Variants in ACP2 observed in about 807,000 individuals in gnomAD.
ACP2 encodes the protein lysosomal acid phosphatase.
Under a neutral mutation model 54.7 loss-of-function variants are expected in ACP2, and 35 were observed. The observed-to-expected ratio is 0.64, with a 90% CI of 0.49 to 0.85. The LOEUF (loss-of-function observed/expected upper bound fraction) is 0.85. Ranked by LOEUF, ACP2 falls within the 40% of genes least tolerant of loss-of-function variation. ACP2 has a pLI of 0.00. For synonymous variants in ACP2, 210 were observed against 224.4 expected (o/e 0.94, Z 0.57); for missense variants, 492 against 565.0 (o/e 0.87, Z 1.31).
At chr11:47,241,227 A>G (rs1371499124) in intron 10 of ACP2, among the ~76,000 whole-genome samples, 1 of 152,226 alleles carries the variant, frequency 6.6e-6, no homozygotes, top group East Asian at 1.9e-4. Context: ...ATTTTTTAAA[A>G]GTTAACTCAG....
At chr11:47,244,480 A>T (rs769864827) in intron 7 of ACP2, among the ~76,000 whole-genome samples, 1 of 152,028 alleles carries the variant, frequency 6.6e-6, no homozygotes, top group Non-Finnish European at 1.5e-5. Flanking sequence ...GAGCCATTGC[A>T]CTCCAGCCTG....
intron 10 of ACP2, among the ~76,000 whole-genome samples, chr11:47,241,882 C>CA (rs1953891535): frequency 6.6e-6 from 1 of 152,162 alleles, no homozygotes; most frequent in Admixed American, 6.5e-5. Context: ...CTCAAGTTGG[C>CA]AGCTGGATAT....
rs1412857961 is a variant in ACP2 at position 47,245,738 on chromosome 11, G to C, written c.394C>G (p.Pro132Ala). The C allele has an allele frequency of 3.1e-6, 5 of 1,613,674 alleles. No individual in the cohort carries two copies. Among genetic ancestry groups the C allele is most frequent in the Non-Finnish European group, 4.2e-6 (5 of 1,179,784 alleles). The part of the protein sequence containing the change: ...FPPNGMQRFN[P>A]NISWQPIPVH... The stretch of plus-strand genomic sequence containing the variant: ...GGAATAGGCTGCCACGAGATGTTCG[G>C]GTTGAAGCGCTGCATCCCGTTGGGA... The change falls in exon 4 of 11, where the codon CCG (proline) becomes GCG (alanine). Residue 132 changes from proline to alanine, a missense_variant. Physicochemically the swap from Pro to Ala is conservative, Grantham distance 27 (BLOSUM62 -1). Coordinates refer to ENST00000672073, the MANE Select transcript of ACP2 (RefSeq NM_001610.4).
At position 47,240,214 on chromosome 11, in the gene ACP2, G is replaced by C; in HGVS notation, c.1174C>G (p.Leu392Val). The change falls in exon 11 of 11, where the codon CTC becomes GTC. Residue 392 changes from leucine to valine, a missense_variant. By Grantham distance (32) the Leu-to-Val change is conservative. Transcript: ENST00000672073. The part of the protein sequence containing the change: ...IVALAVCGSI[L>V]FLLIVLLLTV... ...AGGAGCAGCACTATGAGGAGGAAGA[G>C]GATGGAGCCACATACAGCCAAGGCC... 1 of 1,605,412 alleles carries C rather than the reference G, an allele frequency of 6.2e-7. No individual in the cohort carries two copies. Among genetic ancestry groups the C allele is most frequent in the Non-Finnish European group, 8.5e-7 (1 of 1,172,038 alleles).
At chr11:47,247,434 A>C in intron 3 of ACP2, 1 of 611,324 alleles carries the variant, frequency 1.6e-6, no homozygotes, top group East Asian at 2.8e-5. Context: ...TTGGATGCTT[A>C]ATCAAATTTG....
intron 3 of ACP2, 104 bp downstream of exon 3, chr11:47,247,537 C>T: frequency 7.6e-7 from 1 of 1,323,986 alleles, no homozygotes; most frequent in Non-Finnish European, 1.1e-6. Flanking sequence ...ACCAAAAATA[C>T]AAGAAGGAGG....
chr11:47,245,885 T>TGTGTGTGTGTGTGTGTGTGTGTGTG (rs1554977125), intron 3 of ACP2, 51 bp from the exon 4 acceptor site: 2 of 1,493,036 alleles, frequency 1.3e-6, no homozygotes, highest in East Asian at 2.4e-5. Context: ...TGTGTGTGTG[T>TGTGTGTGTGTGTGTGTGTGTGTGTG]TGGGGAAGTT....
chr11:47,248,308 C>T, intron 1 of ACP2, 175 bp from the exon 2 acceptor site: 1 of 1,046,860 alleles, frequency 9.6e-7, no homozygotes, highest in Admixed American at 2.7e-5. Flanking sequence ...GAGATTCTAA[C>T]TTAGCTAAGC....
chr11:47,245,633 G>A lies in ACP2; in HGVS notation c.450+49C>T, dbSNP rs372851690. 18 of 1,613,876 alleles carry A rather than the reference G, an allele frequency of 1.1e-5. No individual in the cohort carries two copies. In the African/African-American group the frequency reaches 1.6e-4, roughly 14 times the overall value. ...AGGAGCCTGGCATCAGCAGGCCTAC[G>A]GCCAGAGCTGTCCCCTCACCACCCC... On this transcript the variant is annotated intron_variant, in intron 4 of 10. Coordinates refer to ENST00000672073, the MANE Select transcript of ACP2 (RefSeq NM_001610.4).
intron 7 of ACP2, among the ~76,000 whole-genome samples, chr11:47,244,101 T>C (rs1000998483): frequency 6.6e-6 from 1 of 151,976 alleles, no homozygotes; most frequent in African/African-American, 2.4e-5. Context: ...CGTGCCACTC[T>C]ACTATAGCCT....
rs985472476 is a variant in ACP2 at position 47,247,648 on chromosome 11, C to T, written c.290G>A (p.Arg97Gln). ...YHGFLNTSYH[R>Q]QEVYVRSTDF... is the part of the protein sequence containing the mutation. ...TGGAGCTCCCAACCTTACCTCTTGC[C>T]GGTGATAAGAGGTGTTTAGGAAGCC... is the stretch of plus-strand genomic sequence containing the variant. Residue 97 changes from arginine to glutamine, a missense_variant, in exon 3 of 11, where the codon CGG becomes CAG. By Grantham distance (43) the Arg-to-Gln change is conservative (BLOSUM62 1). Transcript: ENST00000672073. The T allele has an allele frequency of 6.8e-6, 11 of 1,614,204 alleles. No individual in the cohort carries two copies. The highest frequency in any genetic ancestry group is 4.5e-5 in the East Asian group (2 of 44,886).
At position 47,243,047 on chromosome 11, in the gene ACP2, G is replaced by A. The variant is rs200711753; in HGVS notation, c.933C>T (p.His311=). The change falls in exon 9 of 11, where the codon CAC becomes CAT. Residue 311 remains histidine (H), a synonymous_variant. Coordinates refer to ENST00000672073, the MANE Select transcript of ACP2 (RefSeq NM_001610.4). The part of the protein sequence containing the change: ...NGEQAPYASC[H]IFELYQEDSG... ...AATCTTCCTGGTACAGTTCAAATAT[G>A]TGGCAGGAGGCGTAGGGGGCTTGTT... is the stretch of plus-strand genomic sequence containing the variant. 5.0e-6 allele frequency: 8 copies of A among 1,614,270 alleles called. No individual in the cohort carries two copies. Among genetic ancestry groups the A allele is most frequent in the Non-Finnish European group, 6.8e-6 (8 of 1,180,036 alleles).
chr11:47,241,915 G>C (rs1343229426), intron 10 of ACP2, among the ~76,000 whole-genome samples: 1 of 152,294 alleles, frequency 6.6e-6, no homozygotes, highest in South Asian at 2.1e-4. Context: ...CAGAGAAGAG[G>C]TTGTGAATCT....
At chr11:47,240,898 GGAA>G (rs1283212873) in intron 10 of ACP2, among the ~76,000 whole-genome samples, 1 of 152,116 alleles carries the variant, frequency 6.6e-6, no homozygotes, top group African/African-American at 2.4e-5. Context: ...AGGTCAGCAG[GGAA>G]GGCATCATTG....
chr11:47,247,968 G>T, intron 2 of ACP2, 70 bp downstream of exon 2: 2 of 1,374,902 alleles, frequency 1.5e-6, no homozygotes, highest in Non-Finnish European at 2.0e-6. Flanking sequence ...AGGACCCCAA[G>T]TTTTGTAGAC....
At chr11:47,247,812 G>T in intron 2 of ACP2, 85 bp from the exon 3 acceptor site, 1 of 1,365,684 alleles carries the variant, frequency 7.3e-7, no homozygotes, top group South Asian at 1.3e-5. Context: ...TTGCTTTCCA[G>T]GTTCACGCTT....
chr11:47,245,779 A>G lies in ACP2; in HGVS notation c.353T>C (p.Leu118Pro), dbSNP rs773740435. 6.2e-7 allele frequency: 1 copy of G among 1,610,998 alleles called. No individual in the cohort carries two copies. The highest frequency in any genetic ancestry group is 1.1e-5 in the South Asian group (1 of 90,548). Residue 118 changes from leucine (L) to proline (P), a missense_variant, in exon 4 of 11, where the codon CTG (leucine) becomes CCG (proline). Transcript: ENST00000672073. ...CCCGTTGGGAGGGAAGAGTCCAGCC[A>G]GGTTGGCCTCAGCACTCATGAGAGT... is the stretch of plus-strand genomic sequence containing the variant. Reference protein sequence around the residue: ...DRTLMSAEANLAGLFPPNGMQ... With the variant: ...DRTLMSAEANPAGLFPPNGMQ...
Position 47,245,587 on chromosome 11 carries a change from G to C in ACP2, c.451-15C>G, listed in dbSNP as rs755988176. On this transcript the variant is annotated splice_polypyrimidine_tract_variant and intron_variant, in intron 4 of 10. Coordinates refer to ENST00000672073, the MANE Select transcript of ACP2 (RefSeq NM_001610.4). ...AACTTCAGCAGCTGTAGAGCGAAGC[G>C]GGGAAACAGGCAGCGGGAAAAGGAG... The C allele has an allele frequency of 1.2e-6, 2 of 1,614,108 alleles. No homozygotes were observed. Among genetic ancestry groups the C allele is most frequent in the African/African-American group, 2.7e-5 (2 of 74,938 alleles).
chr11:47,247,779 A>C (rs1434484473), intron 2 of ACP2, 52 bp from the exon 3 acceptor site: 1 of 1,576,316 alleles, frequency 6.3e-7, no homozygotes, highest in East Asian at 2.2e-5. Context: ...GGTGGCTTCA[A>C]GCCCCATGGG....
Sources: allele counts gnomAD v4.1 joint callset (sites outside exome capture counted in the v4.1 genomes callset), GRCh38; gene constraint gnomAD v4.1.1; transcripts MANE v1.5; gene names NCBI Gene and HGNC (gene_info 2026-07-23, HGNC 2026-07-21).